The following SHC3 variants were observed in gnomAD, a reference collection of about 807,000 sequenced individuals.
The protein encoded by SHC3 is SHC-transforming protein 3.
Under a neutral mutation model 60.4 loss-of-function variants are expected in SHC3, and 15 were observed. That is an observed-to-expected ratio of 0.25 (90% CI 0.17 to 0.38). The LOEUF (loss-of-function observed/expected upper bound fraction) is 0.38, where lower values mean the gene tolerates loss of function less well. SHC3 is among the 10% of genes least tolerant of loss of function. The probability of loss-of-function intolerance (pLI) is 1.00; values close to 1 mark genes in which losing one functional copy is unlikely to be tolerated. For missense variants in SHC3, 677 were observed against 786.1 expected (o/e 0.86, Z 1.66); for synonymous variants, 294 against 325.9 (o/e 0.90, Z 1.05).
At position 89,147,492 on chromosome 9, in the gene SHC3, T is replaced by G. The variant is rs13440232; in HGVS notation, c.474+30495A>C. 1.3e-3 allele frequency among the ~76,000 whole-genome samples: 196 copies of G among 152,216 alleles called. 1 individual carries two copies. Among genetic ancestry groups the G allele is most frequent in the African/African-American group, 4.6e-3 (192 of 41,542 alleles). On this transcript the variant is annotated intron_variant, in intron 1 of 11. Transcript: ENST00000375835. ...CTCCTTCCTGGAATCCCTTTTTTCC[T>G]TCCCTCCCTCCCTCTCCGCTTCCCC...
intron 2 of SHC3, among the ~76,000 whole-genome samples, chr9:89,085,263 C>T (rs1265862628): frequency 6.6e-6 from 1 of 152,226 alleles, no homozygotes; most frequent in Non-Finnish European, 1.5e-5. Flanking sequence ...CAGCGTCTCC[C>T]TTTTGCACCA....
chr9:89,171,179 C>T (rs1045878149), intron 1 of SHC3, among the ~76,000 whole-genome samples: 3 of 151,946 alleles, frequency 2.0e-5, no homozygotes, highest in East Asian at 1.9e-4. Flanking sequence ...AGTACCTCTG[C>T]TAAATACCAC....
In SHC3 at chr9:89,077,882, A is replaced by G. The variant is rs1564124900; in HGVS notation, c.567T>C (p.Cys189=). 2 of 1,614,216 alleles carry G rather than the reference A, an allele frequency of 1.2e-6. No individual in the cohort carries two copies. Among genetic ancestry groups the G allele is most frequent in the Non-Finnish European group, 1.7e-6 (2 of 1,180,024 alleles). Residue 189 remains cysteine (C), a synonymous_variant, in exon 3 of 12, where the codon TGT becomes TGC. Transcript: ENST00000375835. Reference sequence around the variant, plus strand: ...CTCCCTTCGCACCAGGCACAGCTTCACAGACGCGGCTGATGGCTTCCCTTA... The same window carrying G: ...CTCCCTTCGCACCAGGCACAGCTTCGCAGACGCGGCTGATGGCTTCCCTTA... The part of the protein sequence containing the change: ...QITREAISRV[C]EAVPGAKGAF...
chr9:89,020,711 T>C (rs1203232209), intron 11 of SHC3, among the ~76,000 whole-genome samples: 1 of 151,880 alleles, frequency 6.6e-6, no homozygotes, highest in Non-Finnish European at 1.5e-5. Context: ...CCAACCTCAG[T>C]ATGTGGGTGT....
intron 1 of SHC3, among the ~76,000 whole-genome samples, chr9:89,129,455 T>C (rs143733633): frequency 0.059 from 8,936 of 152,166 alleles, 351 homozygotes; most frequent in Admixed American, 0.11. Context: ...CACATAATTG[T>C]TAGATTCACC....
chr9:89,027,326 G>T (rs373683826), intron 11 of SHC3, among the ~76,000 whole-genome samples: 6 of 89,144 alleles, frequency 6.7e-5, no homozygotes, highest in Non-Finnish European at 9.3e-5. Flanking sequence ...GTGAAATTCT[G>T]ATTTTTTTTT....
At chr9:89,105,523 T>C (rs1033800896) in intron 2 of SHC3, among the ~76,000 whole-genome samples, 4 of 152,238 alleles carry the variant, frequency 2.6e-5, no homozygotes, top group Non-Finnish European at 4.4e-5. Flanking sequence ...ATGGTTCACC[T>C]TGATATCCTA....
At chr9:89,125,040 T>C (rs778723095) in intron 1 of SHC3, among the ~76,000 whole-genome samples, 3 of 151,962 alleles carry the variant, frequency 2.0e-5, no homozygotes, top group Non-Finnish European at 1.5e-5. Flanking sequence ...GCAAAAGAAA[T>C]ACACAGAAGC....
At chr9:89,018,862 C>T (rs1826148088) in intron 11 of SHC3, among the ~76,000 whole-genome samples, 1 of 151,354 alleles carries the variant, frequency 6.6e-6, no homozygotes, top group African/African-American at 2.4e-5. Flanking sequence ...TTAAGATCAG[C>T]CTGGCCAACA....
chr9:89,133,461 C>A (rs942891021), intron 1 of SHC3, among the ~76,000 whole-genome samples: 1 of 152,102 alleles, frequency 6.6e-6, no homozygotes, highest in Non-Finnish European at 1.5e-5. Flanking sequence ...CATATGCACA[C>A]GTATGTTCAC....
intron 1 of SHC3, among the ~76,000 whole-genome samples, chr9:89,145,888 T>C (rs1168515250): frequency 6.6e-6 from 1 of 152,222 alleles, no homozygotes. Context: ...AAGTTTTATA[T>C]GTATACTTTA....
At chr9:89,112,511 C>T (rs757417858) in intron 2 of SHC3, 45 bp downstream of exon 2, 29 of 1,589,406 alleles carry the variant, frequency 1.8e-5, no homozygotes, top group Admixed American at 1.4e-4. Context: ...TGAGATCCTT[C>T]CTTCAGAAGT....
At position 89,006,935 on chromosome 9, in the gene SHC3, A is replaced by G. The variant is rs1825948373; in HGVS notation, c.*6512T>C. 6.6e-6 allele frequency: 1 copy of G among 152,232 alleles called. No homozygotes were observed. The highest frequency in any genetic ancestry group is 1.5e-5 in the Non-Finnish European group (1 of 68,034). The allele number at this position is 152,232 out of a possible 1,614,324, so 9.4% of individuals were successfully genotyped here. On this transcript the variant is annotated 3_prime_UTR_variant, in exon 12 of 12. Coordinates refer to ENST00000375835, the MANE Select transcript of SHC3 (RefSeq NM_016848.6). ...TGGTAAAAATGATCACATGAGTGGGAATTCATTACCTCAAAGCTCAGGACC... is the reference window on the plus strand; with the variant it reads ...TGGTAAAAATGATCACATGAGTGGGGATTCATTACCTCAAAGCTCAGGACC...
intron 8 of SHC3, 40 bp downstream of exon 8, chr9:89,046,804 G>A: frequency 6.9e-7 from 1 of 1,446,126 alleles, no homozygotes; most frequent in East Asian, 2.5e-5. Flanking sequence ...AGTAGAGTTA[G>A]CCTCCATTCC....
chr9:89,052,292 G>T, intron 6 of SHC3, 129 bp from the exon 7 acceptor site: 1 of 1,138,612 alleles, frequency 8.8e-7, no homozygotes. Context: ...TGTCCTAGCA[G>T]ATCCAACCAC....
At chr9:89,025,046 ACTGGTT>A (rs1431526210) in intron 11 of SHC3, among the ~76,000 whole-genome samples, 1 of 152,164 alleles carries the variant, frequency 6.6e-6, no homozygotes. Context: ...AGTTAGAAAT[ACTGGTT>A]AAAATTTTTC....
intron 1 of SHC3, among the ~76,000 whole-genome samples, chr9:89,123,967 G>A (rs1235134803): frequency 6.6e-6 from 1 of 152,126 alleles, no homozygotes; most frequent in Non-Finnish European, 1.5e-5. Flanking sequence ...TGGGCAAAAA[G>A]GGTCTCTTAA....
chr9:89,046,981 C>T lies in SHC3; in HGVS notation c.976G>A (p.Asp326Asn), dbSNP rs201541342. Residue 326 changes from aspartate (D) to asparagine (N), a missense_variant, in exon 8 of 12, where the codon GAT (aspartate) becomes AAT (asparagine). Asp to Asn is a conservative substitution (Grantham distance 23, BLOSUM62 1). Transcript: ENST00000375835. ...CCCTCCTCTTCCGTCCATGGCTCAT[C>T]CAGACTCTGCATTCTGTTAAAGGAA... ...PALHDRMQSL[D>N]EPWTEEEGDG... The T allele has an allele frequency of 1.0e-4, 162 of 1,588,392 alleles. No individual in the cohort carries two copies. Among genetic ancestry groups the T allele is most frequent in the Non-Finnish European group, 1.3e-4 (149 of 1,169,606 alleles).
chr9:89,086,202 A>G (rs568184896), intron 2 of SHC3, among the ~76,000 whole-genome samples: 1 of 152,328 alleles, frequency 6.6e-6, no homozygotes, highest in African/African-American at 2.4e-5. Flanking sequence ...GTGTCCTCCA[A>G]TTCAGATCCC....
Sources: gnomAD v4.1 joint callset for allele counts (sites outside exome capture counted in the v4.1 genomes callset) on GRCh38, gnomAD v4.1.1 for gene constraint, MANE v1.5 for transcripts, NCBI Gene and HGNC (gene_info 2026-07-23, HGNC 2026-07-21) for gene names.